NRIP1: variants seen among roughly 807,000 people sequenced by gnomAD.
NRIP1 encodes nuclear receptor-interacting protein 1.
NRIP1 carries 28 observed loss-of-function variants against 75.0 expected under a neutral mutation model. The ratio of observed to expected loss-of-function variants is 0.37; its 90% CI spans 0.28 to 0.51. The LOEUF (loss-of-function observed/expected upper bound fraction) is 0.51. Ranked by LOEUF, NRIP1 falls within the 20% of genes least tolerant of loss-of-function variation. The pLI, the probability that NRIP1 is intolerant of heterozygous loss-of-function variation, is 0.92. For synonymous variants in NRIP1, 526 were observed against 487.6 expected, an observed-to-expected ratio of 1.08 and a Z score of -1.04; for missense variants, 1,435 against 1,343.7, an observed-to-expected ratio of 1.07 and a Z score of -1.06.
chr21:15,045,420 T>C (rs772455566), intron 1 of NRIP1, among the ~76,000 whole-genome samples: 1 of 152,232 alleles, frequency 6.6e-6, no homozygotes, highest in East Asian at 1.9e-4. Flanking sequence ...TATAGTCTAT[T>C]AAGTGTGCAA....
chr21:15,026,322 A>G (rs2088520309), intron 2 of NRIP1, among the ~76,000 whole-genome samples: 1 of 152,250 alleles, frequency 6.6e-6, no homozygotes, highest in Non-Finnish European at 1.5e-5. Context: ...AGAAAAGTAA[A>G]TCAAGATCAT....
intron 3 of NRIP1, among the ~76,000 whole-genome samples, chr21:15,002,590 C>A (rs2087874766): frequency 6.6e-6 from 1 of 152,094 alleles, no homozygotes; most frequent in South Asian, 2.1e-4. Context: ...ATCTCAGGGG[C>A]ATAAAATTAC....
At chr21:15,023,655 T>G (rs188239347) in intron 2 of NRIP1, among the ~76,000 whole-genome samples, 109 of 152,340 alleles carry the variant, frequency 7.2e-4, no homozygotes, top group African/African-American at 2.5e-3. Flanking sequence ...AACAAATGCC[T>G]TTAATGCAAT....
At chr21:15,018,494 C>A (rs2147194318) in intron 2 of NRIP1, among the ~76,000 whole-genome samples, 1 of 152,092 alleles carries the variant, frequency 6.6e-6, no homozygotes, top group Non-Finnish European at 1.5e-5. Flanking sequence ...GCTGAGAAGG[C>A]CCTAGTCATA....
chr21:15,002,690 C>G (rs1298327773), intron 3 of NRIP1, among the ~76,000 whole-genome samples: 1 of 152,130 alleles, frequency 6.6e-6, no homozygotes, highest in African/African-American at 2.4e-5. Context: ...TTGTACTCAA[C>G]TGTTAACCAT....
intron 3 of NRIP1, among the ~76,000 whole-genome samples, chr21:14,978,147 A>G (rs1432675778): frequency 6.6e-6 from 1 of 152,192 alleles, no homozygotes; most frequent in Non-Finnish European, 1.5e-5. Context: ...CCAACTAAAA[A>G]AGACTCATTA....
At chr21:15,017,129 A>G (rs1312579306) in intron 2 of NRIP1, among the ~76,000 whole-genome samples, 2 of 152,198 alleles carry the variant, frequency 1.3e-5, no homozygotes, top group Non-Finnish European at 2.9e-5. Context: ...TATATAGATA[A>G]GAAACCCTAC....
chr21:15,025,647 C>T (rs1337115739), intron 2 of NRIP1, among the ~76,000 whole-genome samples: 6 of 151,758 alleles, frequency 4.0e-5, no homozygotes, highest in Non-Finnish European at 7.4e-5. Context: ...TCAAGTAATC[C>T]CAGTGAAAAG....
In NRIP1 at chr21:14,991,311, G is replaced by A. The variant is rs150324011; in HGVS notation, c.-334-22785C>T. On this transcript the variant is annotated intron_variant, in intron 3 of 3. Coordinates refer to ENST00000318948, the MANE Select transcript of NRIP1 (RefSeq NM_003489.4). ...CCAACTTTTGGAACTCTGGGGCTAC[G>A]AGATAAAGGAGAAGAAAAAATGTTC... The A allele has an allele frequency of 2.0e-3, 302 of 149,080 alleles. 3 individuals carry two copies. The highest frequency in any genetic ancestry group is 7.2e-3 in the African/African-American group (292 of 40,286). 9.2% of individuals were successfully genotyped at this position (149,080 alleles called of 1,614,324 possible).
At chr21:14,976,031 T>C (rs577410260) in intron 3 of NRIP1, among the ~76,000 whole-genome samples, 1 of 152,182 alleles carries the variant, frequency 6.6e-6, no homozygotes, top group African/African-American at 2.4e-5. Context: ...ATATATTTTT[T>C]AAAAAAGCAT....
intron 2 of NRIP1, among the ~76,000 whole-genome samples, chr21:15,040,230 T>G (rs1489869132): frequency 6.6e-6 from 1 of 152,108 alleles, no homozygotes; most frequent in African/African-American, 2.4e-5. Flanking sequence ...AAATATCTCA[T>G]AATTTTATAT....
chr21:15,057,906 C>A (rs1403794070), intron 1 of NRIP1, among the ~76,000 whole-genome samples: 1 of 152,170 alleles, frequency 6.6e-6, no homozygotes, highest in African/African-American at 2.4e-5. Flanking sequence ...AAGTTCAATA[C>A]TCTTCCTTTC....
intron 2 of NRIP1, among the ~76,000 whole-genome samples, chr21:15,031,745 A>G (rs1483753816): frequency 1.4e-5 from 2 of 138,532 alleles, no homozygotes; most frequent in African/African-American, 2.8e-5. Flanking sequence ...AGGCGCTCGG[A>G]GGATCACCAC....
intron 1 of NRIP1, among the ~76,000 whole-genome samples, chr21:15,054,718 G>T (rs1261445390): frequency 6.6e-6 from 1 of 152,206 alleles, no homozygotes; most frequent in Non-Finnish European, 1.5e-5. Flanking sequence ...GCCAGTGGTT[G>T]GGACTGGTAC....
chr21:14,967,775 A>C lies in NRIP1; in HGVS notation c.418T>G (p.Phe140Val). ...GCAACAGTCTGCAGCCTAGAGCTGA[A>C]TGACTGAAGCAAAGAGGCCAGTAAT... ...STLLASLLQS[F>V]SSRLQTVALS... Residue 140 changes from phenylalanine to valine, a missense_variant, in exon 4 of 4, where the codon TTC becomes GTC. Phe to Val is a conservative substitution (Grantham distance 50). Coordinates refer to ENST00000318948, the MANE Select transcript of NRIP1 (RefSeq NM_003489.4). 6.2e-7 allele frequency: 1 copy of C among 1,614,120 alleles called. No individual in the cohort carries two copies. The highest frequency in any genetic ancestry group is 8.5e-7 in the Non-Finnish European group (1 of 1,180,006).
chr21:14,990,028 T>G (rs2087526115), intron 3 of NRIP1, among the ~76,000 whole-genome samples: 1 of 152,170 alleles, frequency 6.6e-6, no homozygotes, highest in Admixed American at 6.5e-5. Flanking sequence ...TTTGTAAATT[T>G]GTAAATATGA....
intron 3 of NRIP1, among the ~76,000 whole-genome samples, chr21:14,982,970 C>G (rs2087287323): frequency 1.3e-5 from 2 of 152,014 alleles, no homozygotes; most frequent in African/African-American, 4.8e-5. Context: ...TATGTATGTT[C>G]TGATTGCTCC....
chr21:15,037,263 A>G (rs2088857357), intron 2 of NRIP1, among the ~76,000 whole-genome samples: 1 of 152,236 alleles, frequency 6.6e-6, no homozygotes, highest in Admixed American at 6.5e-5. Flanking sequence ...AAGTCTTCAT[A>G]CAAAGCACAT....
At chr21:15,005,680 A>T (rs1216657586) in intron 3 of NRIP1, among the ~76,000 whole-genome samples, 1 of 152,164 alleles carries the variant, frequency 6.6e-6, no homozygotes, top group Non-Finnish European at 1.5e-5. Context: ...GAGAAGCAAA[A>T]TTAAAAACAA....
Sources: allele counts gnomAD v4.1 joint callset (sites outside exome capture counted in the v4.1 genomes callset), GRCh38; gene constraint gnomAD v4.1.1; transcripts MANE v1.5; gene names NCBI Gene and HGNC (gene_info 2026-07-23, HGNC 2026-07-21).